Variants in TNRC6B observed in about 807,000 individuals in gnomAD.
The protein encoded by TNRC6B is trinucleotide repeat-containing gene 6B protein.
A neutral mutation model predicts 203.6 loss-of-function variants in TNRC6B; 52 were observed. The observed-to-expected ratio is 0.26, with a 90% CI of 0.20 to 0.32. TNRC6B has a LOEUF of 0.32. Among genes scored for constraint, TNRC6B ranks in the 10% least tolerant of loss-of-function variants. The pLI is 1.00. For synonymous variants in TNRC6B, 838 were observed against 845.7 expected (o/e 0.99, Z 0.16); for missense variants, 1,923 against 2,286.2 (o/e 0.84, Z 3.24).
chr22:40,054,833 T>C (rs1311374654), intron 1 of TNRC6B, among the ~76,000 whole-genome samples: 6 of 151,122 alleles, frequency 4.0e-5, no homozygotes, highest in Non-Finnish European at 8.9e-5. Flanking sequence ...AGTCCAGGAG[T>C]TCGAGACCAG....
chr22:40,227,994 T>C (rs1191684582), intron 1 of TNRC6B, among the ~76,000 whole-genome samples: 1 of 152,206 alleles, frequency 6.6e-6, no homozygotes, highest in African/African-American at 2.4e-5. Context: ...TCCAAGGCCA[T>C]AGCTAAGACC....
chr22:40,050,292 G>A (rs907903359), intron 1 of TNRC6B, among the ~76,000 whole-genome samples: 3 of 152,096 alleles, frequency 2.0e-5, no homozygotes, highest in African/African-American at 2.4e-5. Flanking sequence ...CACTCAGGCC[G>A]GTTTGGGATT....
At chr22:40,220,502 A>C (rs1008061467) in intron 1 of TNRC6B, among the ~76,000 whole-genome samples, 1 of 152,034 alleles carries the variant, frequency 6.6e-6, no homozygotes, top group African/African-American at 2.4e-5. Context: ...GCACTGTTTG[A>C]ATCTACCCTG....
intron 3 of TNRC6B, among the ~76,000 whole-genome samples, chr22:40,140,111 T>G (rs771678540): frequency 3.0e-4 from 46 of 152,236 alleles, no homozygotes; most frequent in Non-Finnish European, 5.3e-4. Context: ...CTTCTGATAG[T>G]TTGTTTCCAA....
chr22:40,050,835 T>A (rs577220470), intron 1 of TNRC6B, among the ~76,000 whole-genome samples: 2 of 151,886 alleles, frequency 1.3e-5, no homozygotes, highest in East Asian at 3.9e-4. Context: ...TGGGTTTTTT[T>A]TTTTTTTGAG....
chr22:40,123,633 A>G (rs984414476), intron 2 of TNRC6B, among the ~76,000 whole-genome samples: 13 of 152,224 alleles, frequency 8.5e-5, no homozygotes, highest in African/African-American at 1.4e-4. Context: ...GGAAGCAGAC[A>G]GTACAGCACC....
intron 1 of TNRC6B, chr22:40,106,777 T>G (rs1052035074): frequency 1.5e-4 from 131 of 864,088 alleles, no homozygotes; most frequent in Non-Finnish European, 2.5e-4. Context: ...CATTGATACC[T>G]CTGATCCTGA....
intron 2 of TNRC6B, among the ~76,000 whole-genome samples, chr22:40,122,908 C>T (rs946852929): frequency 1.3e-5 from 2 of 152,148 alleles, no homozygotes; most frequent in Admixed American, 1.3e-4. Context: ...GAGTAAATTC[C>T]CTCAAGGTCA....
chr22:40,139,579 G>T (rs1418974393), intron 3 of TNRC6B, among the ~76,000 whole-genome samples: 1 of 152,154 alleles, frequency 6.6e-6, no homozygotes, highest in Non-Finnish European at 1.5e-5. Flanking sequence ...TGATCCTCCT[G>T]CCTTGGCCTC....
At chr22:40,076,858 C>T (rs942472877) in intron 1 of TNRC6B, among the ~76,000 whole-genome samples, 9 of 151,828 alleles carry the variant, frequency 5.9e-5, no homozygotes, top group Non-Finnish European at 8.8e-5. Context: ...ATCCACATAC[C>T]CTGTGACCCA....
At position 40,280,153 on chromosome 22, in the gene TNRC6B, A is replaced by G. The variant is rs2070705059; in HGVS notation, c.3411+10A>G. 2.5e-6 allele frequency: 4 copies of G among 1,610,104 alleles called. No individual in the cohort carries two copies. Among genetic ancestry groups the G allele is most frequent in the Non-Finnish European group, 3.4e-6 (4 of 1,177,722 alleles). On this transcript the variant is annotated intron_variant, in intron 10 of 22. Transcript: ENST00000454349. ...GCCTTATTTTGAGAAGGTGAGTTGAATCCTTTGTTTAAGATAATAATTCAT... is the reference window on the plus strand; with the variant it reads ...GCCTTATTTTGAGAAGGTGAGTTGAGTCCTTTGTTTAAGATAATAATTCAT...
At chr22:40,205,472 G>T (rs994441217) in intron 1 of TNRC6B, among the ~76,000 whole-genome samples, 1 of 152,114 alleles carries the variant, frequency 6.6e-6, no homozygotes, top group African/African-American at 2.4e-5. Flanking sequence ...CACTAGAATG[G>T]TTCACTGTTG....
At chr22:40,222,724 C>CTTTTTTTTTTT (rs1569027045) in intron 1 of TNRC6B, among the ~76,000 whole-genome samples, 1 of 91,518 alleles carries the variant, frequency 1.1e-5, no homozygotes, top group African/African-American at 3.6e-5. Flanking sequence ...TTCTCTCTCT[C>CTTTTTTTTTTT]TCTCTTTTTT....
chr22:40,310,298 A>G (rs1005791293), intron 16 of TNRC6B, among the ~76,000 whole-genome samples: 1 of 152,182 alleles, frequency 6.6e-6, no homozygotes, highest in Non-Finnish European at 1.5e-5. Context: ...ATTTAAAGCA[A>G]TTGCAGATGC....
chr22:40,201,464 C>A (rs1303929808), intron 1 of TNRC6B, among the ~76,000 whole-genome samples: 2 of 150,746 alleles, frequency 1.3e-5, no homozygotes, highest in East Asian at 1.9e-4. Flanking sequence ...GAGACAGGGT[C>A]TCACTCTGTC....
intron 1 of TNRC6B, among the ~76,000 whole-genome samples, chr22:40,111,100 G>A (rs895036476): frequency 2.0e-5 from 3 of 152,124 alleles, no homozygotes; most frequent in African/African-American, 7.2e-5. Context: ...GTGAGAAGAG[G>A]GAGTCAGGAA....
At position 40,330,294 on chromosome 22, in the gene TNRC6B, G is replaced by A. The variant is rs1027476058; in HGVS notation, c.*7053G>A. 15 of 152,220 alleles carry A rather than the reference G, an allele frequency of 9.9e-5. No individual in the cohort carries two copies. The highest frequency in any genetic ancestry group is 2.9e-4 in the African/African-American group (12 of 41,438). The allele number at this position is 152,220 out of a possible 1,614,324, so 9.4% of individuals were successfully genotyped here. ...TGCTGTTGTAGCAGAGCTGTGAAAG[G>A]AAGTGCTTTGCTTTCTCTCCCGCCT... On this transcript the variant is annotated 3_prime_UTR_variant, in exon 23 of 23. Coordinates refer to ENST00000454349, the MANE Select transcript of TNRC6B (RefSeq NM_001162501.2).
chr22:40,302,811 G>T (rs368023280), intron 15 of TNRC6B, among the ~76,000 whole-genome samples: 4 of 152,008 alleles, frequency 2.6e-5, no homozygotes, highest in Non-Finnish European at 5.9e-5. Context: ...ATATTTTAAC[G>T]GAATTACTTT....
chr22:40,211,933 T>C (rs1030284512), intron 1 of TNRC6B, among the ~76,000 whole-genome samples: 3 of 152,206 alleles, frequency 2.0e-5, no homozygotes, highest in Non-Finnish European at 4.4e-5. Context: ...CCTCTTTCCT[T>C]TCGTCTGTCT....
Sources: allele counts gnomAD v4.1 joint callset (sites outside exome capture counted in the v4.1 genomes callset), GRCh38; gene constraint gnomAD v4.1.1; transcripts MANE v1.5; gene names NCBI Gene and HGNC (gene_info 2026-07-23, HGNC 2026-07-21).